The following ZNF141 variants were observed in gnomAD, a reference collection of about 807,000 sequenced individuals.
The protein encoded by ZNF141 is zinc finger protein 141 (clone pHZ-44).
Under a neutral mutation model 11.3 loss-of-function variants are expected in ZNF141, and 7 were observed. The observed-to-expected ratio is 0.62, with a 90% CI of 0.35 to 1.16. ZNF141 has a LOEUF of 1.16. Among genes scored for constraint, ZNF141 ranks in the 50% most tolerant of loss-of-function variants. ZNF141 has a pLI of 0.02. For missense variants in ZNF141, 535 were observed against 554.0 expected, an observed-to-expected ratio of 0.97 and a Z score of 0.34; for synonymous variants, 183 against 190.7, an observed-to-expected ratio of 0.96 and a Z score of 0.33.
At chr4:351,972 GAAGT>G (rs1200299384) in intron 3 of ZNF141, among the ~76,000 whole-genome samples, 1 of 152,190 alleles carries the variant, frequency 6.6e-6, no homozygotes, top group Non-Finnish European at 1.5e-5. Context: ...ATGTAGGTAA[GAAGT>G]GAGTTTATTC....
intron 3 of ZNF141, among the ~76,000 whole-genome samples, chr4:363,801 C>T (rs557566148): frequency 6.0e-5 from 9 of 151,138 alleles, no homozygotes; most frequent in Middle Eastern, 3.5e-3. Context: ...AGTTTTTGCC[C>T]ATTTAGTATG....
intron 3 of ZNF141, among the ~76,000 whole-genome samples, chr4:361,655 G>C (rs144012347): frequency 0.015 from 2,232 of 152,158 alleles, 18 homozygotes; most frequent in Middle Eastern, 0.034. Context: ...GTGATAGTTT[G>C]CTCAGAATGA....
chr4:369,758 ATATATATTT>A (rs1247509536), intron 3 of ZNF141, among the ~76,000 whole-genome samples: 8 of 34,762 alleles, frequency 2.3e-4, no homozygotes, highest in East Asian at 4.8e-4. Flanking sequence ...ATATATATAT[ATATATATTT>A]TTTTTTTTTT....
At chr4:352,942 G>A (rs1721672558) in intron 3 of ZNF141, among the ~76,000 whole-genome samples, 1 of 152,196 alleles carries the variant, frequency 6.6e-6, no homozygotes, top group Admixed American at 6.5e-5. Context: ...TGCAGCGGAA[G>A]CAGTGTTGTG....
chr4:349,863 G>T (rs115888797), intron 3 of ZNF141, among the ~76,000 whole-genome samples: 15 of 152,320 alleles, frequency 9.8e-5, no homozygotes, highest in African/African-American at 2.9e-4. Flanking sequence ...GTCTGCATAT[G>T]ATGGGCCAAA....
rs1481493790 is a variant in ZNF141 at position 344,418 on chromosome 4, G to T, written c.214G>T (p.Ala72Ser). 5 of 1,605,952 alleles carry T rather than the reference G, an allele frequency of 3.1e-6. No homozygotes were observed. The highest frequency in any genetic ancestry group is 4.3e-6 in the Non-Finnish European group (5 of 1,174,418). ...CAATGTGAAGATACATAAGATCGTAGCCAGACCCCCAGGTAGGTGAGAGTG... is the reference window on the plus strand; with the variant it reads ...CAATGTGAAGATACATAAGATCGTATCCAGACCCCCAGGTAGGTGAGAGTG... ...PYNVKIHKIV[A>S]RPPAMCSHFT... The change falls in exon 3 of 4, where the codon GCC becomes TCC. Residue 72 changes from alanine to serine, a missense_variant. Physicochemically the swap from Ala to Ser is moderately conservative, Grantham distance 99 (BLOSUM62 1). Transcript: ENST00000240499.
At chr4:358,028 A>T (rs1364107276) in intron 3 of ZNF141, among the ~76,000 whole-genome samples, 1 of 149,656 alleles carries the variant, frequency 6.7e-6, no homozygotes, top group Non-Finnish European at 1.5e-5. Flanking sequence ...CTCATTCTTT[A>T]AGTTTTAATT....
At chr4:344,873 A>AT (rs1324416993) in intron 3 of ZNF141, among the ~76,000 whole-genome samples, 4 of 152,134 alleles carry the variant, frequency 2.6e-5, no homozygotes, top group Admixed American at 6.5e-5. Context: ...AAAAAGCTGC[A>AT]TTTTTTCTCA....
At chr4:338,333 C>T (rs1720889363) in intron 1 of ZNF141, 1 of 303,930 alleles carries the variant, frequency 3.3e-6, no homozygotes, top group Non-Finnish European at 6.3e-6. Flanking sequence ...CTGCTTTACC[C>T]TGTTCGGAAT....
At chr4:364,325 CT>C (rs1346833038) in intron 3 of ZNF141, among the ~76,000 whole-genome samples, 2 of 152,064 alleles carry the variant, frequency 1.3e-5, no homozygotes, top group African/African-American at 4.8e-5. Context: ...TGGTCCTGGA[CT>C]TTTTTTGGTT....
At chr4:371,522 G>A (rs1712060760) in intron 3 of ZNF141, among the ~76,000 whole-genome samples, 1 of 148,802 alleles carries the variant, frequency 6.7e-6, no homozygotes, top group Non-Finnish European at 1.5e-5. Context: ...GAGCCACCAT[G>A]CCTCACCTTT....
chr4:347,053 T>C (rs1553849726), intron 3 of ZNF141, among the ~76,000 whole-genome samples: 2 of 151,144 alleles, frequency 1.3e-5, no homozygotes, highest in East Asian at 3.9e-4. Context: ...TTTTTTTTTT[T>C]TGAGATGGAG....
intron 3 of ZNF141, among the ~76,000 whole-genome samples, chr4:354,464 C>T (rs1326471537): frequency 6.6e-6 from 1 of 152,170 alleles, no homozygotes; most frequent in Admixed American, 6.5e-5. Flanking sequence ...AGAGTATTTA[C>T]TCTCCTCCCT....
rs782249014 is a variant in ZNF141, at chr4:344,431, G to T, written c.226+1G>T. 19 of 1,603,598 alleles carry T rather than the reference G, an allele frequency of 1.2e-5. No individual in the cohort carries two copies. The highest frequency in any genetic ancestry group is 6.7e-5 in the Admixed American group (4 of 59,606). On this transcript the variant is annotated splice_donor_variant, in intron 3 of 3. Coordinates refer to ENST00000240499, the MANE Select transcript of ZNF141 (RefSeq NM_003441.4). LOFTEE classifies it high-confidence loss of function. ...CATAAGATCGTAGCCAGACCCCCAG[G>T]TAGGTGAGAGTGAATGGAGGAGAGG...
In ZNF141 at chr4:377,003, A is replaced by G; in HGVS notation, c.*3141A>G. On this transcript the variant is annotated 3_prime_UTR_variant, in exon 4 of 4. Transcript: ENST00000240499. ...TGTGAGCTGGTCAGAAATTATAAGA[A>G]TGATTTTTATAAAATGTAGTGAATG... 6.6e-6 allele frequency among the ~76,000 whole-genome samples: 1 copy of G among 152,208 alleles called. No homozygotes were observed. The highest frequency in any genetic ancestry group is 2.1e-4 in the South Asian group (1 of 4,824).
intron 2 of ZNF141, 109 bp downstream of exon 2, chr4:344,017 T>C: frequency 6.9e-7 from 1 of 1,449,270 alleles, no homozygotes; most frequent in Non-Finnish European, 9.2e-7. Context: ...ATAAACCTTC[T>C]CTTTTCTTGA....
chr4:361,621 T>TG, intron 3 of ZNF141, among the ~76,000 whole-genome samples: 1 of 152,148 alleles, frequency 6.6e-6, no homozygotes, highest in Middle Eastern at 3.2e-3. Context: ...AGTGAGAACA[T>TG]GCGGTGTTTG....
At position 380,660 on chromosome 4, in the gene ZNF141, CAAA is replaced by C. The variant is rs34889799; in HGVS notation, c.*6807_*6809del. Reference sequence around the variant, plus strand: ...AGAGCAAAACTCCATCCCCCCTGCCCAAAAAAAAAAATTAATTTTCACAGAAAA... The same window carrying C: ...AGAGCAAAACTCCATCCCCCCTGCCCAAAAAAAATTAATTTTCACAGAAAA... On this transcript the variant is annotated 3_prime_UTR_variant, in exon 4 of 4. Transcript: ENST00000240499. 4.8e-4 allele frequency among the ~76,000 whole-genome samples: 70 copies of C among 147,030 alleles called. No individual in the cohort carries two copies. Among genetic ancestry groups the C allele is most frequent in the African/African-American group, 1.5e-3 (61 of 40,460 alleles).
rs1339231849 is a variant in ZNF141, at chr4:384,067, T to C, written c.*10205T>C. ...CAGTTCACACTCACGGCCTTCCTTC[T>C]GGTAACAGAAGTGCAGGTATATGTG... On this transcript the variant is annotated 3_prime_UTR_variant, in exon 4 of 4. Transcript: ENST00000240499. 6.6e-6 allele frequency: 1 copy of C among 152,234 alleles called. No individual in the cohort carries two copies. The highest frequency in any genetic ancestry group is 1.5e-5 in the Non-Finnish European group (1 of 68,068). The allele number at this position is 152,234 out of a possible 1,614,324, so 9.4% of individuals were successfully genotyped here.
Sources: allele counts gnomAD v4.1 joint callset (sites outside exome capture counted in the v4.1 genomes callset), GRCh38; gene constraint gnomAD v4.1.1; transcripts MANE v1.5; gene names NCBI Gene and HGNC (gene_info 2026-07-23, HGNC 2026-07-21).